PCCA: variants seen among roughly 807,000 people sequenced by gnomAD.
PCCA encodes the protein propionyl-CoA carboxylase alpha chain, mitochondrial.
PCCA carries 74 observed loss-of-function variants against 101.3 expected under a neutral mutation model. That is an observed-to-expected ratio of 0.73 (90% CI 0.61 to 0.89). PCCA has a LOEUF of 0.89. Among genes scored for constraint, PCCA ranks in the 40% least tolerant of loss-of-function variants. The pLI is 0.00. For missense variants in PCCA, 891 were observed against 907.0 expected, an observed-to-expected ratio of 0.98 and a Z score of 0.23; for synonymous variants, 294 against 313.6, an observed-to-expected ratio of 0.94 and a Z score of 0.66.
chr13:100,161,931 A>G (rs2054517716), intron 6 of PCCA, among the ~76,000 whole-genome samples: 1 of 152,152 alleles, frequency 6.6e-6, no homozygotes, highest in Non-Finnish European at 1.5e-5. Flanking sequence ...TAAAATTTTT[A>G]ATTTTTGAGA....
intron 21 of PCCA, among the ~76,000 whole-genome samples, chr13:100,512,572 G>A (rs991038465): frequency 6.6e-6 from 1 of 152,118 alleles, no homozygotes; most frequent in Non-Finnish European, 1.5e-5. Flanking sequence ...GAGCTCACTG[G>A]AGCGAGTCAT....
intron 21 of PCCA, among the ~76,000 whole-genome samples, chr13:100,487,487 G>A (rs182798374): frequency 7.9e-5 from 12 of 152,332 alleles, no homozygotes; most frequent in Non-Finnish European, 1.8e-4. Flanking sequence ...TGTGTGTGGT[G>A]TGATGTTTAA....
intron 20 of PCCA, among the ~76,000 whole-genome samples, chr13:100,446,840 T>A (rs1004797258): frequency 6.6e-6 from 1 of 152,256 alleles, no homozygotes; most frequent in Admixed American, 6.5e-5. Context: ...TGTAACATAA[T>A]TTTTTACAAG....
At chr13:100,160,427 C>T (rs1325840583) in intron 6 of PCCA, among the ~76,000 whole-genome samples, 4 of 150,946 alleles carry the variant, frequency 2.6e-5, no homozygotes, top group Non-Finnish European at 5.9e-5. Context: ...CGTTTGAGCC[C>T]GGGAGGTGGA....
intron 6 of PCCA, among the ~76,000 whole-genome samples, chr13:100,199,506 G>T (rs2058340774): frequency 6.6e-6 from 1 of 152,164 alleles, no homozygotes; most frequent in South Asian, 2.1e-4. Context: ...GCATGGCGAT[G>T]CTATAGCTCA....
intron 4 of PCCA, among the ~76,000 whole-genome samples, chr13:100,117,183 A>G (rs1416020963): frequency 3.3e-5 from 5 of 152,030 alleles, no homozygotes; most frequent in Admixed American, 3.3e-4. Flanking sequence ...TTTTAATTTT[A>G]GATTTTCCTG....
At chr13:100,527,385 T>C (rs1175792986) in intron 22 of PCCA, 1 of 533,498 alleles carries the variant, frequency 1.9e-6, no homozygotes, top group South Asian at 1.5e-5. Context: ...CCTCTGTTAG[T>C]GGCAGAGCCA....
At chr13:100,242,476 A>T (rs985350590) in intron 8 of PCCA, among the ~76,000 whole-genome samples, 1 of 152,226 alleles carries the variant, frequency 6.6e-6, no homozygotes, top group South Asian at 2.1e-4. Flanking sequence ...TAAGTAATGG[A>T]TGCAACATCT....
intron 20 of PCCA, among the ~76,000 whole-genome samples, chr13:100,443,428 G>T (rs2080528674): frequency 6.6e-6 from 1 of 151,238 alleles, no homozygotes. Context: ...CTCCAGCCTG[G>T]GTGACAGCAT....
intron 21 of PCCA, among the ~76,000 whole-genome samples, chr13:100,451,568 A>G (rs182776245): frequency 4.6e-5 from 7 of 152,148 alleles, no homozygotes; most frequent in African/African-American, 1.7e-4. Context: ...CTGGGTTTCT[A>G]ATCGGTTTCT....
chr13:100,099,105 A>G (rs2047032070), intron 1 of PCCA, among the ~76,000 whole-genome samples: 1 of 152,152 alleles, frequency 6.6e-6, no homozygotes, highest in Non-Finnish European at 1.5e-5. Flanking sequence ...TCTTCTTTGA[A>G]GCAGAATGCA....
At chr13:100,280,184 A>G (rs375844414) in intron 12 of PCCA, among the ~76,000 whole-genome samples, 1 of 152,092 alleles carries the variant, frequency 6.6e-6, no homozygotes, top group East Asian at 1.9e-4. Context: ...CAATCTGGTC[A>G]CAGTTTATGT....
intron 1 of PCCA, among the ~76,000 whole-genome samples, chr13:100,092,862 A>G (rs1221224132): frequency 2.0e-5 from 3 of 152,230 alleles, no homozygotes; most frequent in Non-Finnish European, 4.4e-5. Flanking sequence ...CTGACAAATC[A>G]TTTGGGAAAA....
intron 21 of PCCA, among the ~76,000 whole-genome samples, chr13:100,514,762 GTC>G (rs769834826): frequency 3.7e-4 from 57 of 152,260 alleles, no homozygotes; most frequent in Admixed American, 7.2e-4. Context: ...TGATGTTATT[GTC>G]TCTCAGTGCA....
chr13:100,144,623 T>G (rs2052310906), intron 4 of PCCA, among the ~76,000 whole-genome samples: 1 of 152,206 alleles, frequency 6.6e-6, no homozygotes, highest in South Asian at 2.1e-4. Context: ...TAAAAATACA[T>G]ACACTATATA....
At chr13:100,241,396 G>A (rs2061126418) in intron 8 of PCCA, among the ~76,000 whole-genome samples, 1 of 152,016 alleles carries the variant, frequency 6.6e-6, no homozygotes, top group Admixed American at 6.6e-5. Context: ...GTGTTTTTAA[G>A]GTTCATCCAT....
chr13:100,452,549 T>C (rs113822106), intron 21 of PCCA, among the ~76,000 whole-genome samples: 3,937 of 152,298 alleles, frequency 0.026, 147 homozygotes, highest in African/African-American at 0.088. Flanking sequence ...TTCCGGTCTT[T>C]ACTCAGTAGG....
At chr13:100,177,095 C>T (rs2056311634) in intron 6 of PCCA, among the ~76,000 whole-genome samples, 1 of 152,136 alleles carries the variant, frequency 6.6e-6, no homozygotes. Context: ...AGTTTCTCAG[C>T]CAGTTAGAAT....
intron 12 of PCCA, among the ~76,000 whole-genome samples, 171 bp downstream of exon 12, chr13:100,273,517 C>T (rs2063449099): frequency 1.3e-5 from 2 of 152,200 alleles, no homozygotes; most frequent in Admixed American, 6.5e-5. Context: ...TAGTATCCCT[C>T]TAAAGTTCAA....
Sources: allele counts gnomAD v4.1 joint callset (sites outside exome capture counted in the v4.1 genomes callset), GRCh38; gene constraint gnomAD v4.1.1; transcripts MANE v1.5; gene names NCBI Gene and HGNC (gene_info 2026-07-23, HGNC 2026-07-21).